Variants in MACROD2 observed in about 807,000 individuals in gnomAD.
MACROD2 encodes mono-ADP ribosylhydrolase 2, also known as ADP-ribose glycohydrolase MACROD2.
Under a neutral mutation model 70.4 loss-of-function variants are expected in MACROD2, and 36 were observed. The observed-to-expected ratio is 0.51, with a 90% CI of 0.39 to 0.68. The LOEUF is 0.68. Ranked by LOEUF, MACROD2 falls within the 30% of genes least tolerant of loss-of-function variation. The pLI is 0.00. For missense variants in MACROD2, 496 were observed against 538.4 expected (o/e 0.92, Z 0.78); for synonymous variants, 172 against 178.8 (o/e 0.96, Z 0.30).
At chr20:14,924,210 C>T (rs1011372799) in intron 5 of MACROD2, among the ~76,000 whole-genome samples, 2 of 152,020 alleles carry the variant, frequency 1.3e-5, no homozygotes, top group Admixed American at 1.3e-4. Flanking sequence ...CCTGTAATTC[C>T]AGCACTTTGG....
chr20:14,261,660 A>T (rs1401793617), intron 3 of MACROD2, among the ~76,000 whole-genome samples: 1 of 152,226 alleles, frequency 6.6e-6, no homozygotes, highest in Non-Finnish European at 1.5e-5. Context: ...AGAACGTTAT[A>T]TATGCAAATG....
chr20:15,250,548 A>G (rs188986250), intron 6 of MACROD2, among the ~76,000 whole-genome samples: 1 of 152,362 alleles, frequency 6.6e-6, no homozygotes, highest in East Asian at 1.9e-4. Context: ...AGAAAAATGT[A>G]AGAATGTATG....
intron 5 of MACROD2, among the ~76,000 whole-genome samples, chr20:14,882,115 T>C (rs2073617291): frequency 6.6e-6 from 1 of 152,166 alleles, no homozygotes; most frequent in Admixed American, 6.5e-5. Context: ...GCTCAGGCAG[T>C]CATGCCCTTA....
chr20:14,473,397 A>G (rs2084552715), intron 3 of MACROD2, among the ~76,000 whole-genome samples: 1 of 152,148 alleles, frequency 6.6e-6, no homozygotes, highest in Non-Finnish European at 1.5e-5. Context: ...ACGTGAGGTC[A>G]TGGGGTAATT....
chr20:14,805,868 T>A (rs527879895), intron 5 of MACROD2, among the ~76,000 whole-genome samples: 1 of 152,188 alleles, frequency 6.6e-6, no homozygotes, highest in South Asian at 2.1e-4. Flanking sequence ...TTTCAGGTTG[T>A]CTGTTAGGTT....
intron 8 of MACROD2, among the ~76,000 whole-genome samples, chr20:15,792,403 C>G (rs1331942195): frequency 6.6e-6 from 1 of 151,920 alleles, no homozygotes; most frequent in Non-Finnish European, 1.5e-5. Context: ...AAAATCTGAA[C>G]TAATAAAAAT....
intron 2 of MACROD2, among the ~76,000 whole-genome samples, chr20:14,078,509 C>T (rs747860791): frequency 4.6e-5 from 7 of 152,050 alleles, no homozygotes; most frequent in Non-Finnish European, 1.0e-4. Context: ...CAGGTTCAAG[C>T]GATTCTCCTG....
chr20:15,269,745 A>G (rs2077329223), intron 6 of MACROD2, among the ~76,000 whole-genome samples: 1 of 152,136 alleles, frequency 6.6e-6, no homozygotes, highest in Admixed American at 6.5e-5. Context: ...TCTGAAGAAG[A>G]CAATTCATAT....
intron 10 of MACROD2, among the ~76,000 whole-genome samples, chr20:15,895,380 C>G (rs2064955048): frequency 6.6e-6 from 1 of 152,226 alleles, no homozygotes; most frequent in Non-Finnish European, 1.5e-5. Context: ...GTGAGGCACT[C>G]TCCAGAAACA....
rs1197996226 is a variant in MACROD2 at position 14,521,403 on chromosome 20, G to A, written c.301+27895G>A. On this transcript the variant is annotated intron_variant, in intron 4 of 17. Transcript: ENST00000684519. ...TAATAATAACTAACATTTATAGTTA[G>A]CTTATTGTATGCCAGGCAGCATACT... Among the ~76,000 whole-genome samples, 5 of 152,264 alleles carry A rather than the reference G, an allele frequency of 3.3e-5. No homozygotes were observed. The East Asian group carries it at 7.7e-4, about 23-fold the overall frequency.
chr20:15,918,727 A>G (rs762080965), intron 10 of MACROD2, among the ~76,000 whole-genome samples: 2 of 152,216 alleles, frequency 1.3e-5, no homozygotes, highest in Admixed American at 1.3e-4. Context: ...CTGTTGCTGT[A>G]AGATTGTTCT....
At chr20:14,394,613 A>T (rs1285594313) in intron 3 of MACROD2, among the ~76,000 whole-genome samples, 1 of 152,126 alleles carries the variant, frequency 6.6e-6, no homozygotes, top group Non-Finnish European at 1.5e-5. Flanking sequence ...CAATGGCTAG[A>T]GCTCCCCATA....
Position 15,251,182 on chromosome 20 carries a change from A to C in MACROD2, c.540+21121A>C, listed in dbSNP as rs1036406514. ...AGATGATCAAAATTGGGCTGAATGCAACACAGAAAGTTCTGTTTATTTAAC... is the reference window on the plus strand; with the variant it reads ...AGATGATCAAAATTGGGCTGAATGCCACACAGAAAGTTCTGTTTATTTAAC... On this transcript the variant is annotated intron_variant, in intron 6 of 17. Coordinates refer to ENST00000684519, the MANE Select transcript of MACROD2 (RefSeq NM_001351661.2). Among the ~76,000 whole-genome samples, 3 of 152,220 alleles carry C rather than the reference A, an allele frequency of 2.0e-5. No individual in the cohort carries two copies. The East Asian group carries it at 5.8e-4, about 29-fold the overall frequency.
chr20:15,977,360 C>T (rs144683227), intron 13 of MACROD2, among the ~76,000 whole-genome samples: 1 of 152,296 alleles, frequency 6.6e-6, no homozygotes, highest in East Asian at 1.9e-4. Context: ...TATCTCGTTC[C>T]ACAGCCTTTT....
chr20:14,945,922 T>G (rs1048272564), intron 5 of MACROD2, among the ~76,000 whole-genome samples: 4 of 152,200 alleles, frequency 2.6e-5, no homozygotes, highest in Non-Finnish European at 5.9e-5. Context: ...TTTCATATAA[T>G]GCAGGCTGTG....
At chr20:14,865,167 A>C (rs1328949907) in intron 5 of MACROD2, among the ~76,000 whole-genome samples, 8 of 152,056 alleles carry the variant, frequency 5.3e-5, no homozygotes, top group Admixed American at 5.2e-4. Context: ...AATGGTAGGC[A>C]TTGTCAGGAG....
intron 4 of MACROD2, among the ~76,000 whole-genome samples, chr20:14,644,514 T>A (rs1487578154): frequency 6.6e-6 from 1 of 152,200 alleles, no homozygotes; most frequent in Non-Finnish European, 1.5e-5. Flanking sequence ...ACTAGTTTTT[T>A]TGTCCCACTG....
At chr20:14,804,659 T>C (rs1399288920) in intron 5 of MACROD2, among the ~76,000 whole-genome samples, 3 of 151,934 alleles carry the variant, frequency 2.0e-5, no homozygotes, top group Non-Finnish European at 4.4e-5. Context: ...CTTCTGATAG[T>C]GCTTCTCCCT....
intron 8 of MACROD2, among the ~76,000 whole-genome samples, chr20:15,751,167 C>T (rs1221234064): frequency 3.3e-5 from 5 of 151,920 alleles, no homozygotes; most frequent in African/African-American, 7.2e-5. Context: ...ATGATGAATA[C>T]GTGAGGTGAT....
Sources: gnomAD v4.1 joint callset for allele counts (sites outside exome capture counted in the v4.1 genomes callset) on GRCh38, gnomAD v4.1.1 for gene constraint, MANE v1.5 for transcripts, NCBI Gene and HGNC (gene_info 2026-07-23, HGNC 2026-07-21) for gene names.